The following DNAH9 variants were observed in gnomAD, a reference collection of about 807,000 sequenced individuals.
DNAH9 encodes the protein dynein axonemal heavy chain 9, also known as DNAH9 variant protein.
A neutral mutation model predicts 471.6 loss-of-function variants in DNAH9; 345 were observed. The ratio of observed to expected loss-of-function variants is 0.73; its 90% CI spans 0.67 to 0.80. The LOEUF (loss-of-function observed/expected upper bound fraction) is 0.80. DNAH9 is among the 30% of genes least tolerant of loss of function. DNAH9 has a pLI of 0.00. For missense variants in DNAH9, 5,407 were observed against 5,609.2 expected, an observed-to-expected ratio of 0.96 and a Z score of 1.15; for synonymous variants, 2,093 against 2,123.6, an observed-to-expected ratio of 0.99 and a Z score of 0.40.
chr17:11,711,089 C>A (rs1332669676), intron 26 of DNAH9, among the ~76,000 whole-genome samples: 2 of 152,178 alleles, frequency 1.3e-5, no homozygotes, highest in East Asian at 3.9e-4. Flanking sequence ...AAGATAGACC[C>A]TCTCTTGCCT....
At chr17:11,731,551 C>T (rs1455252689) in intron 28 of DNAH9, among the ~76,000 whole-genome samples, 1 of 107,430 alleles carries the variant, frequency 9.3e-6, no homozygotes, top group Non-Finnish European at 1.8e-5. Context: ...CCTCCCCCCT[C>T]CCCCCACCCA....
At chr17:11,955,549 A>G (rs113389653) in intron 67 of DNAH9, among the ~76,000 whole-genome samples, 7 of 152,340 alleles carry the variant, frequency 4.6e-5, no homozygotes, top group African/African-American at 1.7e-4. Context: ...GACCACTCCT[A>G]CATTTGGAGA....
In DNAH9 at chr17:11,962,873, T is replaced by C. The variant is rs1213385468; in HGVS notation, c.13233+617T>C. On this transcript the variant is annotated intron_variant, in intron 68 of 68. Transcript: ENST00000262442. The surrounding 1 kb of genome is among the most constrained non-coding windows in gnomAD (Gnocchi z 4.1). ...TCCTATGTTGGCAAAGAGGAGCCAG[T>C]AGATATCACTTAAAGTGGCATTTTG... 2.0e-5 allele frequency among the ~76,000 whole-genome samples: 3 copies of C among 152,118 alleles called. No homozygotes were observed. Among genetic ancestry groups the C allele is most frequent in the Non-Finnish European group, 4.4e-5 (3 of 68,032 alleles).
Position 11,610,447 on chromosome 17 carries a change from C to T in DNAH9, c.666C>T (p.Ile222=), listed in dbSNP as rs767058618. 18 of 1,613,448 alleles carry T rather than the reference C, an allele frequency of 1.1e-5. No individual in the cohort carries two copies. Among genetic ancestry groups the T allele is most frequent in the Middle Eastern group, 3.4e-4 (2 of 5,956 alleles). ...SVIYAIESAV[I]KWSYQVQVVL... ...TCTATGCCATTGAGTCTGCAGTGAT[C>T]AAATGGAGCTACCAAGTCCAGGTGG... The change falls in exon 3 of 69, where the codon ATC becomes ATT. Residue 222 remains isoleucine, a synonymous_variant. Coordinates refer to ENST00000262442, the MANE Select transcript of DNAH9 (RefSeq NM_001372.4).
At position 11,784,310 on chromosome 17, in the gene DNAH9, G is replaced by A. The variant is rs1247000763; in HGVS notation, c.7832G>A (p.Ser2611Asn). Residue 2611 changes from serine (S) to asparagine (N), a missense_variant, in exon 41 of 69, where the codon AGC (serine) becomes AAC (asparagine). Ser to Asn is a conservative substitution (Grantham distance 46, BLOSUM62 1). Transcript: ENST00000262442. Reference sequence around the variant, plus strand: ...TTGTTTCCTGTACAGCGTCACTTCAGCGTGTTTGTCCTCTCCTTCCCGGGG... The same window carrying A: ...TTGTTTCCTGTACAGCGTCACTTCAACGTGTTTGTCCTCTCCTTCCCGGGG... ...TINPRLQRHF[S>N]VFVLSFPGAD... The A allele has an allele frequency of 6.2e-7, 1 of 1,614,146 alleles. No homozygotes were observed. Among genetic ancestry groups the A allele is most frequent in the East Asian group, 2.2e-5 (1 of 44,866 alleles).
At chr17:11,631,964 C>G (rs555391872) in intron 7 of DNAH9, among the ~76,000 whole-genome samples, 45 of 141,310 alleles carry the variant, frequency 3.2e-4, no homozygotes, top group African/African-American at 1.1e-3. Context: ...ATAAACTACA[C>G]TAATTTGGAC....
rs1277895941 is a variant in DNAH9 at position 11,755,985 on chromosome 17, T to C, written c.6739-583T>C. On this transcript the variant is annotated intron_variant, in intron 33 of 68. Transcript: ENST00000262442. ...GCCAAGTGAAAGGGATTTCCCCTTA[T>C]AAAACCATCAGATCGACCTGGCGTG... Among the ~76,000 whole-genome samples, 4 of 152,076 alleles carry C rather than the reference T, an allele frequency of 2.6e-5. No homozygotes were observed. The South Asian group carries it at 6.2e-4, about 24-fold the overall frequency.
intron 19 of DNAH9, among the ~76,000 whole-genome samples, chr17:11,689,069 T>G (rs1032233805): frequency 6.6e-6 from 1 of 151,616 alleles, no homozygotes; most frequent in African/African-American, 2.4e-5. Flanking sequence ...CACTCCAGCC[T>G]GGGCAACAGA....
chr17:11,933,158 C>T (rs1230794387), intron 64 of DNAH9, among the ~76,000 whole-genome samples: 2 of 152,128 alleles, frequency 1.3e-5, no homozygotes, highest in Admixed American at 1.3e-4. Flanking sequence ...TTTGAACTTT[C>T]AAAGGGGACA....
chr17:11,905,853 T>C (rs1173008810), intron 61 of DNAH9, 44 bp downstream of exon 61: 4 of 1,555,926 alleles, frequency 2.6e-6, no homozygotes, highest in East Asian at 4.5e-5. Context: ...ATTTGCCCCA[T>C]GCACTTTCAT....
intron 61 of DNAH9, among the ~76,000 whole-genome samples, chr17:11,921,542 C>T (rs931499615): frequency 6.6e-6 from 1 of 152,046 alleles, no homozygotes; most frequent in Non-Finnish European, 1.5e-5. Context: ...CATGGAAGCA[C>T]CAGCATACAA....
chr17:11,747,998 G>A (rs1966963078), intron 32 of DNAH9, among the ~76,000 whole-genome samples: 1 of 152,064 alleles, frequency 6.6e-6, no homozygotes, highest in Admixed American at 6.6e-5. Flanking sequence ...GCCTTTTAGA[G>A]AGTGCATTTA....
intron 8 of DNAH9, among the ~76,000 whole-genome samples, chr17:11,634,333 T>C (rs78429152): frequency 2.0e-5 from 3 of 152,280 alleles, no homozygotes; most frequent in African/African-American, 7.2e-5. Context: ...CATAAGCTCA[T>C]GCAGAGAAGA....
chr17:11,734,728 T>C (rs2075318288), intron 28 of DNAH9, among the ~76,000 whole-genome samples: 1 of 152,216 alleles, frequency 6.6e-6, no homozygotes. Flanking sequence ...TCCCAGTGAT[T>C]TGCTCTGCAG....
At chr17:11,843,890 T>TATATATACAC (rs1389217941) in intron 49 of DNAH9, among the ~76,000 whole-genome samples, 2 of 127,224 alleles carry the variant, frequency 1.6e-5, no homozygotes, top group Admixed American at 8.3e-5. Flanking sequence ...TATATATATA[T>TATATATACAC]ACACATAGAG....
chr17:11,797,073 A>G (rs1969271655), intron 42 of DNAH9, among the ~76,000 whole-genome samples: 1 of 152,186 alleles, frequency 6.6e-6, no homozygotes, highest in African/African-American at 2.4e-5. Context: ...GAGGGTGGCT[A>G]GTAGCGCATT....
At chr17:11,757,477 C>G (rs1404842442) in intron 34 of DNAH9, 68 bp from the exon 35 acceptor site, 2 of 1,390,570 alleles carry the variant, frequency 1.4e-6, no homozygotes, top group Admixed American at 2.0e-5. Context: ...GAGAAAATAA[C>G]TCCCTGGGGT....
intron 67 of DNAH9, among the ~76,000 whole-genome samples, chr17:11,955,995 T>C (rs1975619681): frequency 6.6e-6 from 1 of 152,224 alleles, no homozygotes; most frequent in African/African-American, 2.4e-5. Flanking sequence ...GAGCTAAGTT[T>C]CTAGATGCCA....
chr17:11,946,199 C>CAAAAA (rs34028612), intron 67 of DNAH9, among the ~76,000 whole-genome samples: 4 of 47,344 alleles, frequency 8.4e-5, no homozygotes, highest in Non-Finnish European at 1.6e-4. Context: ...GAGTCCATCT[C>CAAAAA]AAAAAAAAAA....
Sources: gnomAD v4.1 joint callset for allele counts (sites outside exome capture counted in the v4.1 genomes callset) on GRCh38, gnomAD v4.1.1 for gene constraint, Gnocchi (gnomAD v3.1) non-coding constraint, MANE v1.5 for transcripts, NCBI Gene and HGNC (gene_info 2026-07-23, HGNC 2026-07-21) for gene names.